CNR1: variants seen among roughly 807,000 people sequenced by gnomAD.
CNR1 encodes the protein cannabinoid receptor 1 (brain).
In CNR1, 10 loss-of-function variants were observed where a neutral mutation model predicts 23.0. That is an observed-to-expected ratio of 0.43 (90% CI 0.27 to 0.74). CNR1 has a LOEUF of 0.74. Ranked by LOEUF, CNR1 falls within the 30% of genes least tolerant of loss-of-function variation. CNR1 has a pLI of 0.19. For missense variants in CNR1, 422 were observed against 618.8 expected, an observed-to-expected ratio of 0.68 and a Z score of 3.37; for synonymous variants, 271 against 255.2, an observed-to-expected ratio of 1.06 and a Z score of -0.59.
intron 1 of CNR1, among the ~76,000 whole-genome samples, chr6:88,154,204 T>A (rs984810539): frequency 2.6e-5 from 4 of 152,222 alleles, no homozygotes; most frequent in Non-Finnish European, 2.9e-5. Flanking sequence ...TGTGTTATGT[T>A]TTTCATAAAA....
rs146158564 is a variant in CNR1, at chr6:88,158,805, T to C, written c.-64+6998A>G. 1.6e-4 allele frequency among the ~76,000 whole-genome samples: 24 copies of C among 152,292 alleles called. No individual in the cohort carries two copies. The East Asian group carries it at 4.4e-3, about 28-fold the overall frequency. Reference sequence around the variant, plus strand: ...TAGGTTTTTAGATCATTGAAACAGATTGCTACAGGAGCCAGCTCAAGATAA... The same window carrying C: ...TAGGTTTTTAGATCATTGAAACAGACTGCTACAGGAGCCAGCTCAAGATAA... On this transcript the variant is annotated intron_variant, in intron 1 of 1. Coordinates refer to ENST00000369501, the MANE Select transcript of CNR1 (RefSeq NM_016083.6).
In CNR1 at chr6:88,166,097, G is replaced by C. The variant is rs1015973157; in HGVS notation, c.-358C>G. Reference sequence around the variant, plus strand: ...GGGTGGAGTGGGGTGTGCCTCCGGCGGGCGGTCAGCAAGTCAGTCCGTCCG... The same window carrying C: ...GGGTGGAGTGGGGTGTGCCTCCGGCCGGCGGTCAGCAAGTCAGTCCGTCCG... On this transcript the variant is annotated 5_prime_UTR_variant, in exon 1 of 2. Transcript: ENST00000369501. The C allele has an allele frequency of 6.6e-6, 1 of 152,250 alleles. No homozygotes were observed. The highest frequency in any genetic ancestry group is 1.5e-5 in the Non-Finnish European group (1 of 68,116). 9.4% of individuals were successfully genotyped at this position (152,250 alleles called of 1,614,324 possible).
chr6:88,159,845 G>A (rs1462288861), intron 1 of CNR1, among the ~76,000 whole-genome samples: 2 of 152,124 alleles, frequency 1.3e-5, no homozygotes, highest in South Asian at 2.1e-4. Flanking sequence ...TTAGCCAAAC[G>A]CCATGGAATA....
At chr6:88,158,956 G>C (rs1304688407) in intron 1 of CNR1, among the ~76,000 whole-genome samples, 1 of 152,008 alleles carries the variant, frequency 6.6e-6, no homozygotes, top group Non-Finnish European at 1.5e-5. Context: ...TACAATCCAG[G>C]GCTTCTCTGG....
chr6:88,160,811 T>C (rs1311822415), intron 1 of CNR1, among the ~76,000 whole-genome samples: 2 of 152,202 alleles, frequency 1.3e-5, no homozygotes, highest in Non-Finnish European at 2.9e-5. Context: ...TTCACTCAAT[T>C]TTCAGGACTC....
At chr6:88,156,840 A>G (rs1298432743) in intron 1 of CNR1, among the ~76,000 whole-genome samples, 1 of 152,250 alleles carries the variant, frequency 6.6e-6, no homozygotes, top group African/African-American at 2.4e-5. Context: ...GCATAAAGCC[A>G]GCTGATCATG....
upstream of CNR1, among the ~76,000 whole-genome samples, chr6:88,166,677 G>C (rs574326097): frequency 1.3e-5 from 2 of 152,300 alleles, no homozygotes; most frequent in South Asian, 4.1e-4. Flanking sequence ...ACCAGGCCAA[G>C]AAGGGGCTGG....
intron 1 of CNR1, among the ~76,000 whole-genome samples, chr6:88,155,674 C>T (rs1777754869): frequency 6.6e-6 from 1 of 152,206 alleles, no homozygotes. Context: ...GATCTGTTGA[C>T]CAAAGCACTT....
rs1582312749 is a variant in CNR1 at position 88,141,012 on chromosome 6, G to A, written c.*2844C>T. On this transcript the variant is annotated 3_prime_UTR_variant, in exon 2 of 2. Coordinates refer to ENST00000369501, the MANE Select transcript of CNR1 (RefSeq NM_016083.6). ...GCAGGTTGGGAATTTGGCCCTTTCT[G>A]AACATGTGTGATGGTAAAATGCATG... is the stretch of plus-strand genomic sequence containing the variant. 1 of 152,136 alleles carries A rather than the reference G, an allele frequency of 6.6e-6. No individual in the cohort carries two copies. Among genetic ancestry groups the A allele is most frequent in the East Asian group, 1.9e-4 (1 of 5,320 alleles). The allele number at this position is 152,136 out of a possible 1,614,324, so 9.4% of individuals were successfully genotyped here.
intron 1 of CNR1, among the ~76,000 whole-genome samples, chr6:88,146,940 GC>G (rs1471431691): frequency 6.6e-6 from 1 of 152,100 alleles, no homozygotes; most frequent in African/African-American, 2.4e-5. Flanking sequence ...CATCCACTAT[GC>G]ACTTGTATTA....
At chr6:88,154,648 A>C (rs538063739) in intron 1 of CNR1, among the ~76,000 whole-genome samples, 11 of 152,314 alleles carry the variant, frequency 7.2e-5, no homozygotes, top group Admixed American at 3.9e-4. Flanking sequence ...GTGTGATCTC[A>C]GATCACTGCA....
In CNR1 at chr6:88,141,523, T is replaced by C. The variant is rs1776816781; in HGVS notation, c.*2333A>G. ...GCTCTTCATAGCTGTGAAAAGAGCA[T>C]TGGTACTGCCTGGTGAGCTCTGAAA... On this transcript the variant is annotated 3_prime_UTR_variant, in exon 2 of 2. Transcript: ENST00000369501. 2 of 152,380 alleles carry C rather than the reference T, an allele frequency of 1.3e-5. No individual in the cohort carries two copies. The highest frequency in any genetic ancestry group is 4.8e-5 in the African/African-American group (2 of 41,454). 9.4% of individuals were successfully genotyped at this position (152,380 alleles called of 1,614,324 possible).
Position 88,144,723 on chromosome 6 carries a change from A to G in CNR1, c.552T>C (p.Asp184=). The G allele has an allele frequency of 6.2e-7, 1 of 1,614,178 alleles. No individual in the cohort carries two copies. The highest frequency in any genetic ancestry group is 8.5e-7 in the Non-Finnish European group (1 of 1,180,042). Residue 184 remains aspartate, a synonymous_variant, in exon 2 of 2, where the codon GAT becomes GAC. Coordinates refer to ENST00000369501, the MANE Select transcript of CNR1 (RefSeq NM_016083.6). The surrounding 1 kb of genome is among the most constrained non-coding windows in gnomAD (Gnocchi z 7.8). ...GTTTGAACAGAAACACGTTGCGGCT[A>G]TCTTTGCGGTGGAACACGTGGAAGT... ...FIDFHVFHRK[D]SRNVFLFKLG... is the part of the protein sequence containing the mutation.
At chr6:88,166,748 C>T (rs1778386078), upstream of CNR1, among the ~76,000 whole-genome samples, 6 of 152,260 alleles carry the variant, frequency 3.9e-5, no homozygotes, top group South Asian at 1.2e-3. Flanking sequence ...GCGCGCATCG[C>T]CAACACCTTC....
chr6:88,162,060 T>A (rs1175607604), intron 1 of CNR1, among the ~76,000 whole-genome samples: 1 of 152,196 alleles, frequency 6.6e-6, no homozygotes, highest in Non-Finnish European at 1.5e-5. Flanking sequence ...GTGGTGATGT[T>A]CACCCTGGCA....
rs1776999899 is a variant in CNR1, at chr6:88,144,171, A to G, written c.1104T>C (p.Phe368=). The change falls in exon 2 of 2, where the codon TTT becomes TTC. Residue 368 remains phenylalanine, a synonymous_variant. Transcript: ENST00000369501. The surrounding 1 kb of genome is among the most constrained non-coding windows in gnomAD (Gnocchi z 7.8). The stretch of plus-strand genomic sequence containing the variant: ...TCTTAATGAGCTTGTTCATCTTCCC[A>G]AAGACATCATACACCATGATTGCAA... ...PLLAIMVYDV[F]GKMNKLIKTV... is the part of the protein sequence containing the mutation. 3.7e-6 allele frequency: 6 copies of G among 1,613,694 alleles called. No individual in the cohort carries two copies. Among genetic ancestry groups the G allele is most frequent in the Non-Finnish European group, 5.1e-6 (6 of 1,179,964 alleles).
At chr6:88,165,659 C>G (rs1358245940) in intron 1 of CNR1, 144 bp downstream of exon 1, 1 of 152,492 alleles carries the variant, frequency 6.6e-6, no homozygotes, top group Non-Finnish European at 1.5e-5. Flanking sequence ...CAGGCTGGGG[C>G]CATACAGCTA....
Position 88,142,610 on chromosome 6 carries a change from G to C in CNR1, c.*1246C>G, listed in dbSNP as rs368981067. ...ATGGGGTGAAATTTTTGAATGGTTG[G>C]AGTCAGTATTTTTATCAACAAGATT... On this transcript the variant is annotated 3_prime_UTR_variant, in exon 2 of 2. Coordinates refer to ENST00000369501, the MANE Select transcript of CNR1 (RefSeq NM_016083.6). The C allele has an allele frequency of 1.9e-4, 29 of 152,472 alleles. 1 individual carries two copies. The highest frequency in any genetic ancestry group is 6.3e-4 in the African/African-American group (26 of 41,552). The allele number at this position is 152,472 out of a possible 1,614,324, so 9.4% of individuals were successfully genotyped here.
At chr6:88,152,142 G>A (rs143763399) in intron 1 of CNR1, among the ~76,000 whole-genome samples, 1 of 150,478 alleles carries the variant, frequency 6.6e-6, no homozygotes, top group Non-Finnish European at 1.5e-5. Context: ...GTGAACCCGG[G>A]AGGCGGAGCT....
Sources: gnomAD v4.1 joint callset for allele counts (sites outside exome capture counted in the v4.1 genomes callset) on GRCh38, gnomAD v4.1.1 for gene constraint, Gnocchi (gnomAD v3.1) non-coding constraint, MANE v1.5 for transcripts, NCBI Gene and HGNC (gene_info 2026-07-23, HGNC 2026-07-21) for gene names.